PITPNB: variants seen among roughly 807,000 people sequenced by gnomAD.
PITPNB encodes phosphatidylinositol transfer protein beta isoform.
Under a neutral mutation model 45.9 loss-of-function variants are expected in PITPNB, and 16 were observed. The ratio of observed to expected loss-of-function variants is 0.35; its 90% CI spans 0.24 to 0.53. PITPNB has a LOEUF of 0.53. PITPNB is among the 20% of genes least tolerant of loss of function. The pLI is 0.93. For missense variants in PITPNB, 188 were observed against 330.5 expected, an observed-to-expected ratio of 0.57 and a Z score of 3.34; for synonymous variants, 112 against 108.9, an observed-to-expected ratio of 1.03 and a Z score of -0.18.
intron 8 of PITPNB, among the ~76,000 whole-genome samples, chr22:27,865,525 C>A (rs151120893): frequency 1.3e-5 from 2 of 152,228 alleles, no homozygotes; most frequent in South Asian, 4.1e-4. Context: ...AAATGTGTAA[C>A]CTTTAAAATG....
intron 8 of PITPNB, among the ~76,000 whole-genome samples, chr22:27,863,479 G>A (rs1462675713): frequency 6.6e-6 from 1 of 152,100 alleles, no homozygotes; most frequent in East Asian, 1.9e-4. Context: ...TCCCCTGCCT[G>A]TCACCCACCC....
intron 2 of PITPNB, among the ~76,000 whole-genome samples, chr22:27,911,849 G>A (rs947835656): frequency 6.6e-6 from 1 of 152,222 alleles, no homozygotes; most frequent in Non-Finnish European, 1.5e-5. Flanking sequence ...ATTGCTGACA[G>A]TAGCTTCTAT....
chr22:27,898,212 C>CA (rs956473593), intron 3 of PITPNB: 28 of 268,788 alleles, frequency 1.0e-4, no homozygotes, highest in African/African-American at 6.3e-4. Context: ...CCTGTCTCTA[C>CA]AAAAAATATA....
rs546061879 is a variant in PITPNB at position 27,918,897 on chromosome 22, T to G, written c.20+275A>C. ...GGAGAAGGCGGGTCCCAGCGGAAAC[T>G]CCCGGCCGCGCCTTCCCGAGCCATG... On this transcript the variant is annotated intron_variant, in intron 1 of 11. Coordinates refer to ENST00000335272, the MANE Select transcript of PITPNB (RefSeq NM_012399.5). Among the ~76,000 whole-genome samples, 8 of 151,566 alleles carry G rather than the reference T, an allele frequency of 5.3e-5. No individual in the cohort carries two copies. The South Asian group carries it at 1.5e-3, about 28-fold the overall frequency.
At chr22:27,865,089 A>G (rs1934446178) in intron 8 of PITPNB, among the ~76,000 whole-genome samples, 1 of 152,244 alleles carries the variant, frequency 6.6e-6, no homozygotes, top group South Asian at 2.1e-4. Flanking sequence ...AATATACCAA[A>G]TAATAGTAAT....
intron 7 of PITPNB, among the ~76,000 whole-genome samples, chr22:27,880,027 C>A: frequency 6.6e-6 from 1 of 152,164 alleles, no homozygotes; most frequent in East Asian, 1.9e-4. Flanking sequence ...ATTCCTGCTA[C>A]CATTTTGAAG....
intron 8 of PITPNB, 49 bp downstream of exon 8, chr22:27,873,689 G>T (rs1157976641): frequency 9.2e-7 from 1 of 1,092,714 alleles, no homozygotes. Flanking sequence ...GACCTGTCAA[G>T]TGTTCTGTTG....
At chr22:27,887,033 C>G (rs1376392599) in intron 7 of PITPNB, among the ~76,000 whole-genome samples, 1 of 152,124 alleles carries the variant, frequency 6.6e-6, no homozygotes, top group African/African-American at 2.4e-5. Context: ...AGAAGGTCTT[C>G]CTAATTTTCT....
intron 7 of PITPNB, among the ~76,000 whole-genome samples, chr22:27,893,286 CCT>C: frequency 6.7e-6 from 1 of 149,162 alleles, no homozygotes. Context: ...TCTGTTTTTT[CCT>C]TTTTTTTTTT....
At chr22:27,912,375 T>C (rs1935951253) in intron 2 of PITPNB, among the ~76,000 whole-genome samples, 1 of 152,196 alleles carries the variant, frequency 6.6e-6, no homozygotes, top group Non-Finnish European at 1.5e-5. Flanking sequence ...CAGGACTGCA[T>C]TTCTCCTTTT....
At chr22:27,915,009 G>T (rs1440993295) in intron 1 of PITPNB, among the ~76,000 whole-genome samples, 2 of 152,100 alleles carry the variant, frequency 1.3e-5, no homozygotes, top group Non-Finnish European at 2.9e-5. Flanking sequence ...TGTCATTATA[G>T]CTCCATTGCA....
chr22:27,888,015 C>A (rs1043078930), intron 7 of PITPNB, among the ~76,000 whole-genome samples: 5 of 152,228 alleles, frequency 3.3e-5, no homozygotes, highest in Admixed American at 3.3e-4. Context: ...CCATCCCATT[C>A]CTGTCCTAAG....
chr22:27,872,565 T>G (rs1365424589), intron 8 of PITPNB, among the ~76,000 whole-genome samples: 1 of 152,168 alleles, frequency 6.6e-6, no homozygotes, highest in Non-Finnish European at 1.5e-5. Context: ...TCAAATTCAT[T>G]TTTCCTTTTA....
chr22:27,889,195 C>T (rs544205369), intron 7 of PITPNB, among the ~76,000 whole-genome samples: 1 of 152,268 alleles, frequency 6.6e-6, no homozygotes, highest in East Asian at 1.9e-4. Context: ...GCAAGAAACT[C>T]TTAGGATTAT....
intron 6 of PITPNB, among the ~76,000 whole-genome samples, chr22:27,896,057 C>A (rs1348463532): frequency 6.6e-6 from 1 of 152,146 alleles, no homozygotes; most frequent in Non-Finnish European, 1.5e-5. Context: ...AAATGTGAAC[C>A]AACTTATATA....
chr22:27,866,635 T>C (rs1311202625), intron 8 of PITPNB, among the ~76,000 whole-genome samples: 1 of 152,252 alleles, frequency 6.6e-6, no homozygotes, highest in Non-Finnish European at 1.5e-5. Context: ...AGTTTACACA[T>C]ACTTTTTCCT....
intron 3 of PITPNB, among the ~76,000 whole-genome samples, chr22:27,902,526 T>C (rs1184561715): frequency 6.7e-6 from 1 of 150,144 alleles, no homozygotes; most frequent in Non-Finnish European, 1.5e-5. Flanking sequence ...GATGCAATTA[T>C]TGAGTTAATT....
At chr22:27,873,343 T>A (rs546346877) in intron 8 of PITPNB, among the ~76,000 whole-genome samples, 36 of 152,292 alleles carry the variant, frequency 2.4e-4, no homozygotes, top group African/African-American at 8.4e-4. Flanking sequence ...AATATAACTA[T>A]TAAAAGTCCA....
rs992682913 is a variant in PITPNB, at chr22:27,919,214, T to G, written c.-23A>C. 5 of 1,603,436 alleles carry G rather than the reference T, an allele frequency of 3.1e-6. No homozygotes were observed. Among genetic ancestry groups the G allele is most frequent in the Admixed American group, 1.7e-5 (1 of 60,000 alleles). On this transcript the variant is annotated 5_prime_UTR_variant, in exon 1 of 12. Coordinates refer to ENST00000335272, the MANE Select transcript of PITPNB (RefSeq NM_012399.5). The stretch of plus-strand genomic sequence containing the variant: ...CATCTTCCCGGAACCCCCTCACAGC[T>G]GCCGCCGATACCACCGCCGCCGCCG...
Sources: gnomAD v4.1 joint callset for allele counts (sites outside exome capture counted in the v4.1 genomes callset) on GRCh38, gnomAD v4.1.1 for gene constraint, MANE v1.5 for transcripts, NCBI Gene and HGNC (gene_info 2026-07-23, HGNC 2026-07-21) for gene names.